The following IFT88 variants were observed in gnomAD, a reference collection of about 807,000 sequenced individuals.
IFT88 encodes intraflagellar transport 88.
A neutral mutation model predicts 119.5 loss-of-function variants in IFT88; 74 were observed. The observed-to-expected ratio is 0.62, with a 90% CI of 0.51 to 0.75. The LOEUF is 0.75. IFT88 is among the 30% of genes least tolerant of loss of function. The pLI is 0.00. For missense variants in IFT88, 961 were observed against 977.7 expected (o/e 0.98, Z 0.23); for synonymous variants, 279 against 316.7 (o/e 0.88, Z 1.26).
In IFT88 at chr13:20,595,067, A is replaced by G. The variant is rs140065998; in HGVS notation, c.399-1083A>G. ...TTTGGGAATACTTGATTTGCTATTA[A>G]TAGAGCCAGGATTTTTAAACTTCTT... On this transcript the variant is annotated intron_variant, in intron 7 of 25. Coordinates refer to ENST00000351808, the MANE Select transcript of IFT88 (RefSeq NM_006531.5). Among the ~76,000 whole-genome samples, 6 of 152,268 alleles carry G rather than the reference A, an allele frequency of 3.9e-5. No homozygotes were observed. In the East Asian group the frequency reaches 1.2e-3, roughly 29 times the overall value.
Position 20,684,561 on chromosome 13 carries a change from T to TA in IFT88, c.2243-6144_2243-6143insA, listed in dbSNP as rs756765493. 1.2e-4 allele frequency among the ~76,000 whole-genome samples: 19 copies of TA among 152,210 alleles called. 1 individual carries two copies. The highest frequency in any genetic ancestry group is 5.9e-5 in the Non-Finnish European group (4 of 68,044). ...ACAGGAATATCCTCAGCACCATCGTTGTATGCCTTTTTCAGTGTGCTGCCT... is the reference window on the plus strand; with the variant it reads ...ACAGGAATATCCTCAGCACCATCGTTAGTATGCCTTTTTCAGTGTGCTGCCT... On this transcript the variant is annotated intron_variant, in intron 24 of 25. Coordinates refer to ENST00000351808, the MANE Select transcript of IFT88 (RefSeq NM_006531.5).
chr13:20,578,358 C>CTTTTTTTTTTT (rs1158499742), intron 2 of IFT88, among the ~76,000 whole-genome samples: 30 of 78,678 alleles, frequency 3.8e-4, no homozygotes, highest in African/African-American at 4.2e-4. Context: ...AGTCTTGTTA[C>CTTTTTTTTTTT]TTTTTTTTTT....
intron 3 of IFT88, among the ~76,000 whole-genome samples, chr13:20,587,636 G>A (rs1326320669): frequency 2.0e-5 from 3 of 151,922 alleles, no homozygotes; most frequent in African/African-American, 7.3e-5. Context: ...TTAGGTTTTT[G>A]CTTTATATAT....
At position 20,664,862 on chromosome 13, in the gene IFT88, G is replaced by A. The variant is rs571559117; in HGVS notation, c.2175+1258G>A. On this transcript the variant is annotated intron_variant, in intron 23 of 25. Coordinates refer to ENST00000351808, the MANE Select transcript of IFT88 (RefSeq NM_006531.5). Reference sequence around the variant, plus strand: ...TGGGAGGCCAAGGTGGGCAGATCACGAGGTCAGGAGATCGAGACCATCCTG... The same window carrying A: ...TGGGAGGCCAAGGTGGGCAGATCACAAGGTCAGGAGATCGAGACCATCCTG... Among the ~76,000 whole-genome samples the A allele has an allele frequency of 2.6e-5, 4 of 152,192 alleles. No homozygotes were observed. The East Asian group carries it at 5.8e-4, about 22-fold the overall frequency.
chr13:20,603,716 C>T (rs1347126875), intron 12 of IFT88, among the ~76,000 whole-genome samples: 1 of 151,964 alleles, frequency 6.6e-6, no homozygotes, highest in Non-Finnish European at 1.5e-5. Context: ...CGCAACATGG[C>T]GAAACTCCAT....
At chr13:20,658,284 G>A (rs879822664) in intron 22 of IFT88, among the ~76,000 whole-genome samples, 6 of 151,700 alleles carry the variant, frequency 4.0e-5, no homozygotes, top group Non-Finnish European at 5.9e-5. Context: ...TAGTAGAGAC[G>A]GGGGCTCTAC....
At chr13:20,655,637 G>T (rs1038684049) in intron 21 of IFT88, among the ~76,000 whole-genome samples, 9 of 151,902 alleles carry the variant, frequency 5.9e-5, no homozygotes, top group African/African-American at 2.2e-4. Flanking sequence ...GGGTTTATAG[G>T]TGTGTGCCAC....
At chr13:20,644,333 C>G (rs1430523914) in intron 19 of IFT88, among the ~76,000 whole-genome samples, 2 of 152,104 alleles carry the variant, frequency 1.3e-5, no homozygotes, top group Admixed American at 6.5e-5. Context: ...AACCCCCTCT[C>G]TACTAAAAAC....
At chr13:20,631,280 A>T (rs2048167594) in intron 16 of IFT88, 178 bp downstream of exon 16, 1 of 545,010 alleles carries the variant, frequency 1.8e-6, no homozygotes, top group East Asian at 3.0e-5. Flanking sequence ...GTTGGCAGAC[A>T]TGAGTGAGAA....
chr13:20,640,560 G>A (rs540200588), intron 17 of IFT88, among the ~76,000 whole-genome samples: 1 of 140,216 alleles, frequency 7.1e-6, no homozygotes, highest in Non-Finnish European at 1.6e-5. Context: ...GCGACAGAGC[G>A]ACTCCGTCTC....
intron 3 of IFT88, 88 bp downstream of exon 3, chr13:20,583,107 G>A (rs2039013164): frequency 1.3e-5 from 9 of 709,004 alleles, no homozygotes; most frequent in South Asian, 1.2e-4. Context: ...GTATATTCCT[G>A]TAGTGTTAAA....
At chr13:20,679,431 G>T (rs1210304029) in intron 24 of IFT88, among the ~76,000 whole-genome samples, 1 of 152,208 alleles carries the variant, frequency 6.6e-6, no homozygotes, top group Non-Finnish European at 1.5e-5. Flanking sequence ...ATTAAACGCC[G>T]AGAGTGCCTC....
chr13:20,661,101 C>T (rs2053707857), intron 22 of IFT88, among the ~76,000 whole-genome samples: 1 of 152,146 alleles, frequency 6.6e-6, no homozygotes, highest in Non-Finnish European at 1.5e-5. Flanking sequence ...CCTCCTAGGA[C>T]TCACAAATAG....
rs780783194 is a variant in IFT88 at position 20,669,069 on chromosome 13, G to A, written c.2176-1904G>A. ...AAAAAGGGAAGGCACTGAACCAACC[G>A]AGGCTTAGGTTTCTCTTGATGAGTG... is the stretch of plus-strand genomic sequence containing the variant. On this transcript the variant is annotated intron_variant, in intron 23 of 25. Coordinates refer to ENST00000351808, the MANE Select transcript of IFT88 (RefSeq NM_006531.5). Among the ~76,000 whole-genome samples, 29 of 152,292 alleles carry A rather than the reference G, an allele frequency of 1.9e-4. No homozygotes were observed. The Middle Eastern group carries it at 0.014, about 71-fold the overall frequency.
chr13:20,672,897 C>T (rs2056112039), intron 24 of IFT88, among the ~76,000 whole-genome samples: 1 of 151,922 alleles, frequency 6.6e-6, no homozygotes, highest in African/African-American at 2.4e-5. Context: ...GGATGTGTAC[C>T]AAAAATGTTC....
At chr13:20,663,065 A>T (rs1470267982) in intron 22 of IFT88, among the ~76,000 whole-genome samples, 3 of 152,240 alleles carry the variant, frequency 2.0e-5, no homozygotes, top group Non-Finnish European at 4.4e-5. Flanking sequence ...TGTGAATAAT[A>T]CTTAATTTAA....
intron 2 of IFT88, among the ~76,000 whole-genome samples, chr13:20,579,499 C>G (rs1179807687): frequency 6.6e-6 from 1 of 152,222 alleles, no homozygotes; most frequent in African/African-American, 2.4e-5. Context: ...GCTATTCCTT[C>G]AGGTTTTGGT....
chr13:20,670,282 T>C (rs1350390239), intron 23 of IFT88, among the ~76,000 whole-genome samples: 1 of 152,160 alleles, frequency 6.6e-6, no homozygotes, highest in African/African-American at 2.4e-5. Flanking sequence ...ATTATACATA[T>C]GAAAATTTGA....
chr13:20,682,029 C>A (rs549079041), intron 24 of IFT88, among the ~76,000 whole-genome samples: 1 of 152,338 alleles, frequency 6.6e-6, no homozygotes, highest in South Asian at 2.1e-4. Flanking sequence ...TTATCAAGAA[C>A]ACCTACGAAA....
Sources: gnomAD v4.1 joint callset for allele counts (sites outside exome capture counted in the v4.1 genomes callset) on GRCh38, gnomAD v4.1.1 for gene constraint, MANE v1.5 for transcripts, NCBI Gene and HGNC (gene_info 2026-07-23, HGNC 2026-07-21) for gene names.